Variants in NAV2 observed in about 807,000 individuals in gnomAD.
NAV2 encodes helicase, APC down-regulated 1.
Under a neutral mutation model 223.2 loss-of-function variants are expected in NAV2, and 54 were observed. The observed-to-expected ratio is 0.24, with a 90% CI of 0.19 to 0.30. The LOEUF (loss-of-function observed/expected upper bound fraction) is 0.30, where lower values mean the gene tolerates loss of function less well. Among genes scored for constraint, NAV2 ranks in the 10% least tolerant of loss-of-function variants. The pLI, the probability that NAV2 is intolerant of heterozygous loss-of-function variation, is 1.00. For synonymous variants in NAV2, 1,279 were observed against 1,239.3 expected (o/e 1.03, Z -0.67); for missense variants, 2,806 against 3,147.5 (o/e 0.89, Z 2.60).
chr11:19,674,396 T>TAG (rs1221169638), intron 1 of NAV2, among the ~76,000 whole-genome samples: 2 of 152,224 alleles, frequency 1.3e-5, no homozygotes, highest in Non-Finnish European at 2.9e-5. Context: ...CAGGCAGGAA[T>TAG]GACTGCAGCT....
intron 1 of NAV2, chr11:19,518,571 C>A (rs1590389479): frequency 6.6e-6 from 1 of 152,226 alleles, no homozygotes; most frequent in East Asian, 1.9e-4. Flanking sequence ...AGTACCCTGC[C>A]TTTTGTTGGG....
rs1592259569 is a variant in NAV2, at chr11:20,120,490, T to A, written c.*2232T>A. 6.6e-6 allele frequency: 1 copy of A among 152,666 alleles called. No individual in the cohort carries two copies. Among genetic ancestry groups the A allele is most frequent in the East Asian group, 1.9e-4 (1 of 5,204 alleles). 9.5% of individuals were successfully genotyped at this position (152,666 alleles called of 1,614,324 possible). On this transcript the variant is annotated 3_prime_UTR_variant, in exon 38 of 38. Coordinates refer to ENST00000349880, the MANE Select transcript of NAV2 (RefSeq NM_145117.5). ...ATTTATCTCCCAGCAATGACCCTAC[T>A]ACACTCGCGTACTGTGAATTTGGGA... is the stretch of plus-strand genomic sequence containing the variant.
At chr11:19,555,647 G>A (rs1030533986) in intron 1 of NAV2, among the ~76,000 whole-genome samples, 1 of 152,120 alleles carries the variant, frequency 6.6e-6, no homozygotes, top group African/African-American at 2.4e-5. Context: ...GCCTTCCCAG[G>A]TACTAAAGGT....
intron 33 of NAV2, 51 bp from the exon 34 acceptor site, chr11:20,103,602 C>T (rs372438983): frequency 5.6e-6 from 9 of 1,596,292 alleles, no homozygotes; most frequent in Non-Finnish European, 6.9e-6. Flanking sequence ...CCACCTTGTT[C>T]TCTAGCTTGG....
In NAV2 at chr11:19,832,662, G is replaced by A. The variant is rs538601245; in HGVS notation, c.385+61G>A. ...CAGTGGAGCCATCTCAAAAGGCCGG[G>A]GTGAGGGGAACAGAGCACTGAAATC... On this transcript the variant is annotated intron_variant, in intron 2 of 37. Transcript: ENST00000349880. 6.5e-4 allele frequency: 852 copies of A among 1,320,902 alleles called. 15 individuals carry two copies. In the South Asian group the frequency reaches 9.7e-3, roughly 15 times the overall value. 81.8% of individuals were successfully genotyped at this position (1,320,902 alleles called of 1,614,324 possible).
chr11:19,392,136 T>C (rs1849273046), intron 1 of NAV2, among the ~76,000 whole-genome samples: 1 of 152,170 alleles, frequency 6.6e-6, no homozygotes, highest in Non-Finnish European at 1.5e-5. Flanking sequence ...TGAAAAGTAG[T>C]ATGGAATAGT....
chr11:20,106,429 A>G (rs181321697), intron 35 of NAV2, among the ~76,000 whole-genome samples: 7,341 of 143,870 alleles, frequency 0.051, 262 homozygotes, highest in Non-Finnish European at 0.074. Context: ...GTGTGGTGGC[A>G]TGCACCTGTA....
At chr11:19,612,099 C>T (rs2135339550) in intron 1 of NAV2, among the ~76,000 whole-genome samples, 1 of 152,358 alleles carries the variant, frequency 6.6e-6, no homozygotes, top group South Asian at 2.1e-4. Flanking sequence ...CTTGGAGCTT[C>T]CACCCTCTGA....
At chr11:19,923,332 C>T (rs4757861) in intron 6 of NAV2, among the ~76,000 whole-genome samples, 84,421 of 151,950 alleles carry the variant, frequency 0.56, 23,879 homozygotes, top group East Asian at 0.67. Flanking sequence ...TCCCATTATC[C>T]TTTAGGATAT....
At chr11:19,749,478 T>C (rs1227757006) in intron 1 of NAV2, among the ~76,000 whole-genome samples, 1 of 152,228 alleles carries the variant, frequency 6.6e-6, no homozygotes, top group East Asian at 1.9e-4. Flanking sequence ...TAAGCTCACC[T>C]GTCAGAGTTT....
intron 6 of NAV2, among the ~76,000 whole-genome samples, chr11:19,897,956 G>A (rs538524901): frequency 2.0e-5 from 3 of 148,726 alleles, no homozygotes; most frequent in Non-Finnish European, 3.0e-5. Context: ...GACTCCAAGT[G>A]GCCCTAGGGC....
At chr11:19,520,930 CA>C (rs1164843996) in intron 1 of NAV2, among the ~76,000 whole-genome samples, 4 of 152,198 alleles carry the variant, frequency 2.6e-5, no homozygotes, top group African/African-American at 9.7e-5. Context: ...GGGGATTTTA[CA>C]GCTCCCCTGG....
Position 19,964,370 on chromosome 11 carries a change from A to T in NAV2, c.2645+15290A>T, listed in dbSNP as rs374768280. 7.2e-5 allele frequency among the ~76,000 whole-genome samples: 11 copies of T among 152,328 alleles called. No individual in the cohort carries two copies. The South Asian group carries it at 2.3e-3, about 32-fold the overall frequency. ...CAAAGAACCTGCCTAGCCTCTGACC[A>T]AGTATATATAACGGTTAATAATAAT... is the stretch of plus-strand genomic sequence containing the variant. On this transcript the variant is annotated intron_variant, in intron 10 of 37. Transcript: ENST00000349880.
At chr11:19,801,556 T>C (rs1242852347) in intron 1 of NAV2, among the ~76,000 whole-genome samples, 3 of 152,206 alleles carry the variant, frequency 2.0e-5, no homozygotes, top group Non-Finnish European at 4.4e-5. Context: ...GGCCTCCACC[T>C]GAAAGTGGAA....
At position 19,948,862 on chromosome 11, in the gene NAV2, C is replaced by T. The variant is rs754533487; in HGVS notation, c.2427C>T (p.Asn809=). The change falls in exon 10 of 38, where the codon AAC becomes AAT. Residue 809 remains asparagine, a synonymous_variant. Coordinates refer to ENST00000349880, the MANE Select transcript of NAV2 (RefSeq NM_145117.5). ...GCAATGGGTATCCCCCTCGAGCCAA[C>T]GCCAGCAGGTTCATCAACACTGAGT... ...SMGNGYPPRA[N]ASRFINTESG... 18 of 1,614,070 alleles carry T rather than the reference C, an allele frequency of 1.1e-5. No homozygotes were observed. Among genetic ancestry groups the T allele is most frequent in the African/African-American group, 2.7e-5 (2 of 75,010 alleles).
chr11:20,037,181 C>A (rs1263990241), intron 12 of NAV2, among the ~76,000 whole-genome samples: 5 of 152,058 alleles, frequency 3.3e-5, no homozygotes, highest in East Asian at 1.9e-4. Context: ...CTTTGGCGAA[C>A]CCTTGGAGAA....
intron 6 of NAV2, among the ~76,000 whole-genome samples, chr11:19,901,661 T>A (rs2042458290): frequency 6.6e-6 from 1 of 152,208 alleles, no homozygotes; most frequent in Non-Finnish European, 1.5e-5. Flanking sequence ...AGCAGGAGAT[T>A]AATAAATGGG....
At chr11:19,448,987 T>C (rs1181264504) in intron 1 of NAV2, among the ~76,000 whole-genome samples, 35 of 152,202 alleles carry the variant, frequency 2.3e-4, no homozygotes, top group Admixed American at 2.3e-3. Context: ...CTACACAGTG[T>C]GAGACTATTT....
At chr11:19,418,132 A>G (rs918352811) in intron 1 of NAV2, among the ~76,000 whole-genome samples, 1 of 152,260 alleles carries the variant, frequency 6.6e-6, no homozygotes, top group South Asian at 2.1e-4. Context: ...CAACAAAACA[A>G]AAGGGTGTCT....
Sources: gnomAD v4.1 joint callset for allele counts (sites outside exome capture counted in the v4.1 genomes callset) on GRCh38, gnomAD v4.1.1 for gene constraint, MANE v1.5 for transcripts, NCBI Gene and HGNC (gene_info 2026-07-23, HGNC 2026-07-21) for gene names.